Variants in CDH8 observed in about 807,000 individuals in gnomAD.
The protein encoded by CDH8 is cadherin-8.
CDH8 carries 17 observed loss-of-function variants against 68.1 expected under a neutral mutation model. The observed-to-expected ratio is 0.25, with a 90% CI of 0.17 to 0.37. The LOEUF (loss-of-function observed/expected upper bound fraction) is 0.37. Ranked by LOEUF, CDH8 falls within the 10% of genes least tolerant of loss-of-function variation. The probability of loss-of-function intolerance (pLI) is 1.00; values close to 1 mark genes in which losing one functional copy is unlikely to be tolerated. For missense variants in CDH8, 763 were observed against 999.3 expected, an observed-to-expected ratio of 0.76 and a Z score of 3.19; for synonymous variants, 372 against 365.1, an observed-to-expected ratio of 1.02 and a Z score of -0.21.
At chr16:61,816,477 G>T (rs1962077516) in intron 7 of CDH8, among the ~76,000 whole-genome samples, 2 of 152,218 alleles carry the variant, frequency 1.3e-5, no homozygotes, top group South Asian at 4.1e-4. Flanking sequence ...AAATTGAAAG[G>T]GTTTGGTATG....
chr16:61,769,144 A>T (rs907908527), intron 8 of CDH8, among the ~76,000 whole-genome samples: 4 of 151,874 alleles, frequency 2.6e-5, no homozygotes, highest in African/African-American at 4.8e-5. Flanking sequence ...ACTGTGAGAC[A>T]GACAAAGGCA....
intron 9 of CDH8, among the ~76,000 whole-genome samples, chr16:61,718,568 G>A (rs1350569871): frequency 6.6e-6 from 1 of 151,250 alleles, no homozygotes; most frequent in African/African-American, 2.4e-5. Flanking sequence ...ACAGCATAAT[G>A]TTTGGCTTTC....
chr16:61,660,420 G>A (rs1387466811), intron 10 of CDH8, among the ~76,000 whole-genome samples: 1 of 151,506 alleles, frequency 6.6e-6, no homozygotes, highest in Non-Finnish European at 1.5e-5. Flanking sequence ...CTAAAGAATA[G>A]AGAGAAAAAA....
chr16:61,988,673 C>T (rs544507432), intron 2 of CDH8, among the ~76,000 whole-genome samples: 1 of 152,244 alleles, frequency 6.6e-6, no homozygotes, highest in South Asian at 2.1e-4. Context: ...TACCAAATTA[C>T]AGGAAAAAAC....
At chr16:61,996,327 C>A (rs1965804085) in intron 2 of CDH8, among the ~76,000 whole-genome samples, 1 of 152,162 alleles carries the variant, frequency 6.6e-6, no homozygotes, top group African/African-American at 2.4e-5. Flanking sequence ...GCAAACTCTG[C>A]ACATGGGGAC....
chr16:61,795,337 T>C (rs943375067), intron 7 of CDH8, among the ~76,000 whole-genome samples: 2 of 152,054 alleles, frequency 1.3e-5, no homozygotes, highest in African/African-American at 2.4e-5. Flanking sequence ...ATTCTCAGCA[T>C]CCTTCTGAGT....
chr16:61,917,301 C>G (rs1964255941), intron 2 of CDH8, among the ~76,000 whole-genome samples: 1 of 152,072 alleles, frequency 6.6e-6, no homozygotes, highest in African/African-American at 2.4e-5. Flanking sequence ...GTTCTCCCTG[C>G]TTTCTCTCCT....
chr16:61,713,812 ACT>A (rs1567436294), intron 10 of CDH8, 27 bp downstream of exon 10: 15 of 1,123,494 alleles, frequency 1.3e-5, no homozygotes, highest in Non-Finnish European at 1.9e-5. Context: ...TTTATATTGT[ACT>A]CTGTTTCACA....
intron 10 of CDH8, among the ~76,000 whole-genome samples, chr16:61,700,982 T>C (rs1292509048): frequency 6.6e-6 from 1 of 152,180 alleles, no homozygotes; most frequent in Admixed American, 6.5e-5. Flanking sequence ...TACACACATA[T>C]CAAAAATATT....
chr16:61,875,120 C>T lies in CDH8; in HGVS notation c.548-17882G>A, dbSNP rs189253999. Among the ~76,000 whole-genome samples, 10 of 152,230 alleles carry T rather than the reference C, an allele frequency of 6.6e-5. No individual in the cohort carries two copies. In the East Asian group the frequency reaches 1.7e-3, roughly 26 times the overall value. ...TATAGATTTGGAACAACTGTGAGGT[C>T]TTGCATTTTTCCCAGAATATATCAT... On this transcript the variant is annotated intron_variant, in intron 3 of 11. Transcript: ENST00000577390.
intron 2 of CDH8, among the ~76,000 whole-genome samples, chr16:61,921,249 TATA>T (rs375901034): frequency 0.11 from 16,641 of 147,278 alleles, 1,199 homozygotes; most frequent in East Asian, 0.28. Context: ...AAACTTAAAG[TATA>T]ATAATAATAA....
intron 2 of CDH8, among the ~76,000 whole-genome samples, chr16:61,987,727 G>A (rs561876075): frequency 6.6e-5 from 10 of 150,718 alleles, no homozygotes; most frequent in South Asian, 2.1e-4. Context: ...TATTATAATC[G>A]TATGATGTTT....
At chr16:61,667,867 T>C (rs1963710891) in intron 10 of CDH8, 2 of 152,112 alleles carry the variant, frequency 1.3e-5, no homozygotes, top group Admixed American at 6.6e-5. Context: ...TCAAGGTTTC[T>C]CAGCTGGAGG....
chr16:61,965,656 A>G (rs1007740607), intron 2 of CDH8, among the ~76,000 whole-genome samples: 2 of 152,202 alleles, frequency 1.3e-5, no homozygotes, highest in Non-Finnish European at 2.9e-5. Flanking sequence ...TGAAAGAACA[A>G]AAGCAAGGAC....
rs533769627 is a variant in CDH8, at chr16:61,659,542, C to T, written c.1655-3821G>A. Among the ~76,000 whole-genome samples the T allele has an allele frequency of 4.6e-4, 70 of 152,254 alleles. 1 individual carries two copies. The South Asian group carries it at 0.014, about 30-fold the overall frequency. On this transcript the variant is annotated intron_variant, in intron 10 of 11. Transcript: ENST00000577390. ...AGAGGCAGGGACTCTTTTCTTCCTC[C>T]TGGTCCCTACTCATGGGAGAGAGGC...
At chr16:61,749,472 A>G (rs560535399) in intron 8 of CDH8, among the ~76,000 whole-genome samples, 1 of 152,228 alleles carries the variant, frequency 6.6e-6, no homozygotes, top group East Asian at 1.9e-4. Flanking sequence ...TACAGTTTAG[A>G]AAACCCCAGT....
chr16:61,665,724 T>C (rs184838476), intron 10 of CDH8, among the ~76,000 whole-genome samples: 13 of 151,580 alleles, frequency 8.6e-5, no homozygotes, highest in Admixed American at 7.2e-4. Flanking sequence ...CTTTTATCTG[T>C]GTAATTTATC....
chr16:61,863,046 T>A (rs747533646), intron 3 of CDH8, among the ~76,000 whole-genome samples: 1 of 152,180 alleles, frequency 6.6e-6, no homozygotes, highest in Non-Finnish European at 1.5e-5. Context: ...TATAATAATA[T>A]AGCTGTTGTA....
intron 4 of CDH8, among the ~76,000 whole-genome samples, chr16:61,838,690 CA>C (rs1436461305): frequency 6.6e-6 from 1 of 152,064 alleles, no homozygotes; most frequent in Non-Finnish European, 1.5e-5. Flanking sequence ...TAATGCTGAA[CA>C]AAATACCATC....
Sources: allele counts gnomAD v4.1 joint callset (sites outside exome capture counted in the v4.1 genomes callset), GRCh38; gene constraint gnomAD v4.1.1; transcripts MANE v1.5; gene names NCBI Gene and HGNC (gene_info 2026-07-23, HGNC 2026-07-21).